Variants in TMEM117 observed in about 807,000 individuals in gnomAD.
The protein encoded by TMEM117 is transmembrane protein 117.
Under a neutral mutation model 52.4 loss-of-function variants are expected in TMEM117, and 27 were observed. The observed-to-expected ratio is 0.51, with a 90% confidence interval of 0.38 to 0.71. The LOEUF (loss-of-function observed/expected upper bound fraction) is 0.71, where lower values mean the gene tolerates loss of function less well. Among genes scored for constraint, TMEM117 ranks in the 30% least tolerant of loss-of-function variants. TMEM117 has a pLI of 0.00. For synonymous variants in TMEM117, 215 were observed against 206.3 expected, an observed-to-expected ratio of 1.04 and a Z score of -0.36; for missense variants, 556 against 630.5, an observed-to-expected ratio of 0.88 and a Z score of 1.26.
chr12:44,090,899 CGTATTACCTCTGATAGAGT>C (rs1380145104), intron 3 of TMEM117, among the ~76,000 whole-genome samples: 1 of 136,178 alleles, frequency 7.3e-6, no homozygotes. Flanking sequence ...GCTGATAGAG[CGTATTACCTCTGATAGAGT>C]GTATTACCTC....
chr12:43,906,155 A>G (rs978246105), intron 2 of TMEM117, among the ~76,000 whole-genome samples: 4 of 152,142 alleles, frequency 2.6e-5, no homozygotes, highest in African/African-American at 7.2e-5. Context: ...GATGAGTTCA[A>G]TTGTTAAACA....
intron 5 of TMEM117, among the ~76,000 whole-genome samples, chr12:44,274,130 C>T (rs978023484): frequency 9.9e-5 from 15 of 152,044 alleles, no homozygotes; most frequent in Non-Finnish European, 2.2e-4. Flanking sequence ...ATGAAATCAA[C>T]ATACAAAAAT....
intron 2 of TMEM117, among the ~76,000 whole-genome samples, chr12:43,895,965 T>C (rs992497284): frequency 6.6e-6 from 1 of 152,222 alleles, no homozygotes; most frequent in Non-Finnish European, 1.5e-5. Flanking sequence ...TCCTGCCTGC[T>C]TTATTCTAGC....
chr12:44,153,444 A>C (rs1948783851), intron 4 of TMEM117, among the ~76,000 whole-genome samples: 1 of 151,866 alleles, frequency 6.6e-6, no homozygotes, highest in Non-Finnish European at 1.5e-5. Context: ...GAATTTGTTG[A>C]ATTTTGTCAT....
intron 3 of TMEM117, among the ~76,000 whole-genome samples, chr12:44,051,003 A>G (rs910781990): frequency 6.6e-6 from 1 of 152,226 alleles, no homozygotes; most frequent in African/African-American, 2.4e-5. Flanking sequence ...GACTTCATTT[A>G]TTACGATCCT....
chr12:44,222,135 C>T (rs1172290554), intron 5 of TMEM117, among the ~76,000 whole-genome samples: 1 of 152,158 alleles, frequency 6.6e-6, no homozygotes, highest in Non-Finnish European at 1.5e-5. Flanking sequence ...TGAAGTCCAG[C>T]TTCCTGTTTG....
intron 4 of TMEM117, among the ~76,000 whole-genome samples, chr12:44,168,685 TA>T (rs1461626979): frequency 6.6e-6 from 1 of 152,208 alleles, no homozygotes; most frequent in Non-Finnish European, 1.5e-5. Context: ...AGCTAAAATA[TA>T]TTTTTTTATT....
chr12:44,372,875 T>A (rs775929442), intron 6 of TMEM117, among the ~76,000 whole-genome samples: 4 of 152,212 alleles, frequency 2.6e-5, no homozygotes, highest in Admixed American at 6.5e-5. Flanking sequence ...CTGAGGCAGA[T>A]GTTCACATCT....
the TMEM117 span, among the ~76,000 whole-genome samples, chr12:43,813,231 G>GTTGTTTTTTTGTTT: frequency 1.6e-5 from 1 of 62,618 alleles, no homozygotes; most frequent in African/African-American, 5.9e-5. Flanking sequence ...GTTTTCTCTT[G>GTTGTTTTTTTGTTT]TTTTTTTTTT....
intron 5 of TMEM117, among the ~76,000 whole-genome samples, chr12:44,231,661 G>A (rs78906998): frequency 0.015 from 2,257 of 151,670 alleles, 39 homozygotes; most frequent in African/African-American, 0.051. Context: ...TAGCCAATCC[G>A]GTGGTTGTTC....
At chr12:43,894,735 T>G (rs1414237444) in intron 2 of TMEM117, among the ~76,000 whole-genome samples, 1 of 152,232 alleles carries the variant, frequency 6.6e-6, no homozygotes, top group Admixed American at 6.5e-5. Flanking sequence ...CTCATTCTTT[T>G]TGTGGCTGCA....
chr12:44,358,320 G>C (rs1951678765), intron 6 of TMEM117, among the ~76,000 whole-genome samples: 1 of 151,722 alleles, frequency 6.6e-6, no homozygotes, highest in African/African-American at 2.4e-5. Flanking sequence ...GAATATAAAA[G>C]TTGAAATTAA....
At chr12:43,852,439 A>AC (rs201319173) in intron 2 of TMEM117, among the ~76,000 whole-genome samples, 2 of 151,746 alleles carry the variant, frequency 1.3e-5, no homozygotes, top group African/African-American at 4.8e-5. Context: ...TCAAAAAAAA[A>AC]CAAAATACAA....
chr12:44,298,413 A>G (rs945708838), intron 5 of TMEM117, among the ~76,000 whole-genome samples: 2 of 145,312 alleles, frequency 1.4e-5, no homozygotes, highest in African/African-American at 2.8e-5. Context: ...ATTTCAAGTA[A>G]TTGTTTTTTT....
intron 3 of TMEM117, among the ~76,000 whole-genome samples, chr12:44,084,928 G>A (rs1206971077): frequency 6.6e-6 from 1 of 152,126 alleles, no homozygotes; most frequent in Admixed American, 6.5e-5. Flanking sequence ...TCCCTGAAAC[G>A]CTTGCTTCTC....
At chr12:43,946,722 A>G (rs1437211009) in intron 3 of TMEM117, among the ~76,000 whole-genome samples, 4 of 152,162 alleles carry the variant, frequency 2.6e-5, no homozygotes, top group Admixed American at 2.0e-4. Context: ...TGACCCTGTT[A>G]CTCATTCACC....
chr12:44,105,951 C>T (rs968632286), intron 3 of TMEM117, among the ~76,000 whole-genome samples: 5 of 152,020 alleles, frequency 3.3e-5, no homozygotes, highest in African/African-American at 9.7e-5. Context: ...TTCTAAATTT[C>T]GGTACCTTTC....
In TMEM117 at chr12:44,353,283, A is replaced by C. The variant is rs1951593585; in HGVS notation, c.769-23312A>C. ...CTGATGGTAGTTTCTTTTGCTGTGC[A>C]GAAGCTCTTGAGTTTAATTAGATCC... On this transcript the variant is annotated intron_variant, in intron 6 of 7. Coordinates refer to ENST00000266534, the MANE Select transcript of TMEM117 (RefSeq NM_032256.3). 2.0e-5 allele frequency among the ~76,000 whole-genome samples: 3 copies of C among 152,220 alleles called. No individual in the cohort carries two copies. In the East Asian group the frequency reaches 5.8e-4, roughly 29 times the overall value.
chr12:44,175,243 A>G (rs1949102195), intron 4 of TMEM117, among the ~76,000 whole-genome samples: 1 of 152,154 alleles, frequency 6.6e-6, no homozygotes, highest in Admixed American at 6.5e-5. Context: ...TTGATGGTGG[A>G]GAAGAGAGAA....
Sources: allele counts gnomAD v4.1 joint callset (sites outside exome capture counted in the v4.1 genomes callset), GRCh38; gene constraint gnomAD v4.1.1; transcripts MANE v1.5; gene names NCBI Gene and HGNC (gene_info 2026-07-23, HGNC 2026-07-21).